ACSS2: variants seen among roughly 807,000 people sequenced by gnomAD.
ACSS2 encodes the protein acyl-CoA synthetase short chain family member 2.
Under a neutral mutation model 90.6 loss-of-function variants are expected in ACSS2, and 58 were observed. The ratio of observed to expected loss-of-function variants is 0.64; its 90% CI spans 0.52 to 0.80. The LOEUF is 0.80. Ranked by LOEUF, ACSS2 falls within the 30% of genes least tolerant of loss-of-function variation. The pLI is 0.00. For synonymous variants in ACSS2, 300 were observed against 330.9 expected, an observed-to-expected ratio of 0.91 and a Z score of 1.01; for missense variants, 759 against 912.0, an observed-to-expected ratio of 0.83 and a Z score of 2.16.
chr20:34,875,267 G>C (rs2079882601), upstream of ACSS2: 2 of 479,258 alleles, frequency 4.2e-6, no homozygotes, highest in Non-Finnish European at 8.7e-6. Flanking sequence ...AAGAGATTGT[G>C]AAGGAAAGAA....
At chr20:34,890,443 G>T (rs1371062066) in intron 2 of ACSS2, among the ~76,000 whole-genome samples, 1 of 152,174 alleles carries the variant, frequency 6.6e-6, no homozygotes, top group Non-Finnish European at 1.5e-5. Flanking sequence ...GTCAGTGAGG[G>T]TGTTAGAGGT....
chr20:34,912,155 A>G (rs2080974563), intron 2 of ACSS2, among the ~76,000 whole-genome samples: 1 of 152,212 alleles, frequency 6.6e-6, no homozygotes, highest in Non-Finnish European at 1.5e-5. Flanking sequence ...GATAGCACAT[A>G]GTAGTTGTTG....
intron 7 of ACSS2, among the ~76,000 whole-genome samples, chr20:34,918,698 T>G (rs2081128213): frequency 6.6e-6 from 1 of 152,210 alleles, no homozygotes; most frequent in Non-Finnish European, 1.5e-5. Context: ...TAGGCAAAAG[T>G]GCTTGGACCA....
Position 34,927,504 on chromosome 20 carries a change from A to T in ACSS2, c.*290A>T. 2.3e-6 allele frequency: 1 copy of T among 435,918 alleles called. No individual in the cohort carries two copies. Among genetic ancestry groups the T allele is most frequent in the Admixed American group, 3.5e-5 (1 of 28,736 alleles). 27.0% of individuals were successfully genotyped at this position (435,918 alleles called of 1,614,324 possible). ...CTCTCCTACCCAAGTTAAGTGTTCA[A>T]AGGGGATGTGAGGGCCTCCACTGAA... On this transcript the variant is annotated 3_prime_UTR_variant, in exon 18 of 18. Coordinates refer to ENST00000360596, the MANE Select transcript of ACSS2 (RefSeq NM_018677.4). This position sits in a 1 kb window ranked among gnomAD's most constrained non-coding sequence, Gnocchi z 4.2.
intron 7 of ACSS2, among the ~76,000 whole-genome samples, chr20:34,915,709 T>A (rs1250914243): frequency 6.6e-6 from 1 of 152,194 alleles, no homozygotes; most frequent in Non-Finnish European, 1.5e-5. Flanking sequence ...GCAGAGGAGA[T>A]TCCTAAATAC....
At chr20:34,913,014 A>G in intron 2 of ACSS2, 82 bp from the exon 3 acceptor site, 1 of 1,079,700 alleles carries the variant, frequency 9.3e-7, no homozygotes, top group Non-Finnish European at 1.4e-6. Flanking sequence ...AGTGTCACTG[A>G]ATGGATTTTA....
At chr20:34,926,742 C>A in intron 16 of ACSS2, 135 bp from the exon 17 acceptor site, 2 of 762,394 alleles carry the variant, frequency 2.6e-6, no homozygotes, top group Non-Finnish European at 2.2e-6. Flanking sequence ...GCAAGAGAAG[C>A]AGTGAACCTG....
At position 34,927,799 on chromosome 20, in the gene ACSS2, T is replaced by TTTG. The variant is rs1244117162; in HGVS notation, c.*588_*590dup. The TTTG allele has an allele frequency of 1.3e-5, 2 of 154,780 alleles. No homozygotes were observed. Among genetic ancestry groups the TTTG allele is most frequent in the African/African-American group, 4.8e-5 (2 of 41,422 alleles). The allele number at this position is 154,780 out of a possible 1,614,324, so 9.6% of individuals were successfully genotyped here. ...TGCTTCTTTGAAGGAGTAAATGTGT[T>TTTG]TTGTTCCTAGGGCCAGAGGAGCTTG... On this transcript the variant is annotated 3_prime_UTR_variant, in exon 18 of 18. Transcript: ENST00000360596. This position sits in a 1 kb window ranked among gnomAD's most constrained non-coding sequence, Gnocchi z 4.2.
At chr20:34,899,126 C>T (rs939551637) in intron 2 of ACSS2, among the ~76,000 whole-genome samples, 4 of 152,190 alleles carry the variant, frequency 2.6e-5, no homozygotes, top group African/African-American at 9.6e-5. Flanking sequence ...CACGCCCACT[C>T]GGAACTCCAG....
chr20:34,910,800 G>GA (rs1287098508), intron 2 of ACSS2, among the ~76,000 whole-genome samples: 10 of 151,900 alleles, frequency 6.6e-5, no homozygotes, highest in African/African-American at 1.2e-4. Context: ...CATAAAATTG[G>GA]AAAAAAACCA....
chr20:34,905,315 C>A (rs2080771490), intron 2 of ACSS2, among the ~76,000 whole-genome samples: 1 of 150,144 alleles, frequency 6.7e-6, no homozygotes, highest in Non-Finnish European at 1.5e-5. Flanking sequence ...GGCTGGAGTG[C>A]AGAGTGCAGT....
At chr20:34,913,291 G>A in intron 3 of ACSS2, 102 bp from the exon 4 acceptor site, 1 of 1,551,392 alleles carries the variant, frequency 6.4e-7, no homozygotes, top group South Asian at 1.1e-5. Context: ...TTTGGTAACA[G>A]AGGAAGAGAA....
Position 34,915,078 on chromosome 20 carries a change from T to A in ACSS2, c.834+641T>A, listed in dbSNP as rs1304557033. ...TTAGGGGTTTTACATATATAGGGGC[T>A]GGAATCAGGATCAGGAAAATGGAAG... On this transcript the variant is annotated intron_variant, in intron 7 of 17. Transcript: ENST00000360596. The A allele has an allele frequency of 3.5e-6, 3 of 867,168 alleles. No homozygotes were observed. The East Asian group carries it at 7.6e-5, about 22-fold the overall frequency. 53.7% of individuals were successfully genotyped at this position (867,168 alleles called of 1,614,324 possible).
At chr20:34,904,362 AGGCTC>A (rs1231604456) in intron 2 of ACSS2, among the ~76,000 whole-genome samples, 1 of 152,014 alleles carries the variant, frequency 6.6e-6, no homozygotes, top group East Asian at 1.9e-4. Flanking sequence ...TAGAGGGCAA[AGGCTC>A]TGAGGTTAAA....
chr20:34,879,164 A>G (rs556149237), intron 1 of ACSS2, among the ~76,000 whole-genome samples: 3 of 151,974 alleles, frequency 2.0e-5, no homozygotes, highest in Non-Finnish European at 4.4e-5. Flanking sequence ...TCGGCCTCCC[A>G]AAGTGCTGGG....
At chr20:34,894,967 A>G (rs2080427896) in intron 2 of ACSS2, among the ~76,000 whole-genome samples, 1 of 152,186 alleles carries the variant, frequency 6.6e-6, no homozygotes, top group African/African-American at 2.4e-5. Context: ...CCTATCCCAG[A>G]CTATTGAGTT....
chr20:34,885,954 C>T (rs1267431771), intron 2 of ACSS2, among the ~76,000 whole-genome samples: 3 of 152,000 alleles, frequency 2.0e-5, no homozygotes, highest in Non-Finnish European at 2.9e-5. Context: ...GAGACAAGTA[C>T]CATATAGGCA....
chr20:34,910,514 G>A (rs906953041), intron 2 of ACSS2, among the ~76,000 whole-genome samples: 1 of 152,158 alleles, frequency 6.6e-6, no homozygotes, highest in Admixed American at 6.6e-5. Context: ...AATTAGCCAG[G>A]TGTGGTAGCA....
upstream of ACSS2, chr20:34,876,538 C>A: frequency 2.4e-6 from 3 of 1,254,270 alleles, no homozygotes; most frequent in Non-Finnish European, 3.0e-6. Context: ...CCCCCACTCA[C>A]CAGGCCCCGC....
Sources: gnomAD v4.1 joint callset for allele counts (sites outside exome capture counted in the v4.1 genomes callset) on GRCh38, gnomAD v4.1.1 for gene constraint, Gnocchi (gnomAD v3.1) non-coding constraint, MANE v1.5 for transcripts, NCBI Gene and HGNC (gene_info 2026-07-23, HGNC 2026-07-21) for gene names.